Variants in RSRC1 observed in about 807,000 individuals in gnomAD.
RSRC1 encodes arginine and serine rich coiled-coil 1, also known as serine/Arginine-related protein 53.
In RSRC1, 39 loss-of-function variants were observed where a neutral mutation model predicts 49.1. The ratio of observed to expected loss-of-function variants is 0.79; its 90% CI spans 0.61 to 1.04. RSRC1 has a LOEUF of 1.04. Ranked by LOEUF, RSRC1 falls within the 50% of genes least tolerant of loss-of-function variation. RSRC1 has a pLI of 0.00. For missense variants in RSRC1, 388 were observed against 402.4 expected (o/e 0.96, Z 0.31); for synonymous variants, 143 against 130.8 (o/e 1.09, Z -0.63).
chr3:158,316,334 C>G (rs1205490843), intron 5 of RSRC1, among the ~76,000 whole-genome samples: 1 of 151,786 alleles, frequency 6.6e-6, no homozygotes, highest in African/African-American at 2.4e-5. Context: ...TAGTGTAGCT[C>G]TGCTTTTTTG....
At chr3:158,235,435 A>G (rs998880623) in intron 4 of RSRC1, among the ~76,000 whole-genome samples, 2 of 152,182 alleles carry the variant, frequency 1.3e-5, no homozygotes, top group African/African-American at 4.8e-5. Flanking sequence ...AATTATAGTT[A>G]TATGTGTTAC....
chr3:158,492,513 T>C (rs1739127382), intron 7 of RSRC1, among the ~76,000 whole-genome samples: 1 of 152,208 alleles, frequency 6.6e-6, no homozygotes, highest in South Asian at 2.1e-4. Context: ...GAAATTGTTC[T>C]AAACATCTTC....
chr3:158,367,929 A>G (rs1344541712), intron 6 of RSRC1, among the ~76,000 whole-genome samples: 2 of 152,176 alleles, frequency 1.3e-5, no homozygotes, highest in Non-Finnish European at 2.9e-5. Flanking sequence ...GGTGTGTCCT[A>G]AAGAGAATCT....
chr3:158,189,095 A>G (rs1216571861), intron 3 of RSRC1, among the ~76,000 whole-genome samples: 2 of 151,888 alleles, frequency 1.3e-5, no homozygotes, highest in Non-Finnish European at 2.9e-5. Flanking sequence ...ATAAACATAT[A>G]TTACTTAATT....
intron 7 of RSRC1, among the ~76,000 whole-genome samples, chr3:158,483,059 T>G (rs1239531573): frequency 2.0e-5 from 3 of 151,990 alleles, no homozygotes; most frequent in Non-Finnish European, 4.4e-5. Context: ...TTGTGCTATT[T>G]TAAATGTTTT....
chr3:158,477,324 A>C (rs1394881981), intron 7 of RSRC1, among the ~76,000 whole-genome samples: 1 of 152,134 alleles, frequency 6.6e-6, no homozygotes, highest in Non-Finnish European at 1.5e-5. Context: ...ACAGCATCAC[A>C]TGCTATAGAG....
At chr3:158,232,120 T>C (rs1478229054) in intron 4 of RSRC1, among the ~76,000 whole-genome samples, 2 of 152,162 alleles carry the variant, frequency 1.3e-5, no homozygotes, top group Non-Finnish European at 2.9e-5. Context: ...CAGCTTGCTA[T>C]ATGTTTTTGT....
chr3:158,392,463 T>A (rs1733365647), intron 6 of RSRC1, among the ~76,000 whole-genome samples: 1 of 152,096 alleles, frequency 6.6e-6, no homozygotes, highest in Admixed American at 6.6e-5. Flanking sequence ...AAAGATACGA[T>A]ACTTCATTTT....
At chr3:158,471,788 A>G (rs1263191742) in intron 7 of RSRC1, among the ~76,000 whole-genome samples, 1 of 152,136 alleles carries the variant, frequency 6.6e-6, no homozygotes, top group Non-Finnish European at 1.5e-5. Context: ...AGAGGAAAGG[A>G]AAGAATTTAG....
chr3:158,519,106 T>G (rs1711523429), intron 7 of RSRC1, among the ~76,000 whole-genome samples: 2 of 152,184 alleles, frequency 1.3e-5, no homozygotes, highest in Admixed American at 1.3e-4. Flanking sequence ...TTGTAATGAA[T>G]GAACCATCAT....
chr3:158,193,291 A>C (rs183998080), intron 3 of RSRC1, among the ~76,000 whole-genome samples: 1 of 152,260 alleles, frequency 6.6e-6, no homozygotes, highest in African/African-American at 2.4e-5. Context: ...TTTTAAGGGT[A>C]CAATAAAAAC....
At chr3:158,118,462 T>TGTGTGTGCGCGCGCGCGC (rs1491469875) in intron 1 of RSRC1, among the ~76,000 whole-genome samples, 3 of 124,714 alleles carry the variant, frequency 2.4e-5, no homozygotes, top group African/African-American at 9.9e-5. Flanking sequence ...TGTGTGTGTG[T>TGTGTGTGCGCGCGCGCGC]GCGCGTGCGC....
chr3:158,373,517 C>T (rs999962811), intron 6 of RSRC1, among the ~76,000 whole-genome samples: 7 of 151,788 alleles, frequency 4.6e-5, no homozygotes, highest in African/African-American at 1.5e-4. Context: ...ACTATTGATA[C>T]GTTGCATTTC....
chr3:158,516,924 C>T (rs940661715), intron 7 of RSRC1, among the ~76,000 whole-genome samples: 1 of 152,218 alleles, frequency 6.6e-6, no homozygotes, highest in Non-Finnish European at 1.5e-5. Context: ...TTGTGCTTCC[C>T]AAGTGAGGCA....
intron 1 of RSRC1, among the ~76,000 whole-genome samples, chr3:158,115,826 T>C (rs1714768192): frequency 6.6e-6 from 1 of 152,204 alleles, no homozygotes; most frequent in South Asian, 2.1e-4. Context: ...GTAACCCTTT[T>C]CAGGTAATTA....
chr3:158,189,835 C>A (rs1444988257), intron 3 of RSRC1, among the ~76,000 whole-genome samples: 2 of 151,692 alleles, frequency 1.3e-5, no homozygotes, highest in Non-Finnish European at 2.9e-5. Flanking sequence ...CTTCTTTGGA[C>A]TAATTTTATT....
chr3:158,116,467 G>A (rs988698993), intron 1 of RSRC1, among the ~76,000 whole-genome samples: 3 of 152,046 alleles, frequency 2.0e-5, no homozygotes, highest in African/African-American at 7.2e-5. Flanking sequence ...GTATGTACTC[G>A]AGTGGAAATT....
intron 6 of RSRC1, among the ~76,000 whole-genome samples, chr3:158,422,430 A>G (rs1276765632): frequency 4.0e-5 from 6 of 151,700 alleles, no homozygotes; most frequent in Non-Finnish European, 8.8e-5. Context: ...GCTGCATCGT[A>G]TTCCATGGTG....
chr3:158,459,983 T>C (rs769421413), intron 6 of RSRC1, among the ~76,000 whole-genome samples: 1 of 151,936 alleles, frequency 6.6e-6, no homozygotes, highest in South Asian at 2.1e-4. Context: ...TGATTTTGCA[T>C]AGGAAAAATA....
Sources: gnomAD v4.1 joint callset for allele counts (sites outside exome capture counted in the v4.1 genomes callset) on GRCh38, gnomAD v4.1.1 for gene constraint, MANE v1.5 for transcripts, NCBI Gene and HGNC (gene_info 2026-07-23, HGNC 2026-07-21) for gene names.